Variants in XCR1 observed in about 807,000 individuals in gnomAD.
XCR1 encodes the protein X-C motif chemokine receptor 1.
For synonymous variants in XCR1, 187 were observed against 188.5 expected, an observed-to-expected ratio of 0.99 and a Z score of 0.06; for missense variants, 356 against 424.2, an observed-to-expected ratio of 0.84 and a Z score of 1.41.
At chr3:46,064,341 G>T (rs1490844948) in intron 4 of XCR1, among the ~76,000 whole-genome samples, 2 of 152,116 alleles carry the variant, frequency 1.3e-5, no homozygotes, top group African/African-American at 4.8e-5. Context: ...AGTGCCTAGG[G>T]CAGTAGCTGG....
At chr3:46,034,049 T>A (rs1372934071) in intron 5 of XCR1, among the ~76,000 whole-genome samples, 1 of 152,136 alleles carries the variant, frequency 6.6e-6, no homozygotes. Context: ...CCTGGCTCAC[T>A]GCAACCTCTG....
At chr3:46,046,692 G>C (rs1236330499) in intron 5 of XCR1, among the ~76,000 whole-genome samples, 1 of 152,126 alleles carries the variant, frequency 6.6e-6, no homozygotes, top group South Asian at 2.1e-4. Flanking sequence ...ACAGAAGACA[G>C]AGACAAAAAA....
chr3:46,041,309 A>G (rs888142381), intron 5 of XCR1, among the ~76,000 whole-genome samples: 6 of 152,164 alleles, frequency 3.9e-5, no homozygotes, highest in Admixed American at 1.3e-4. Flanking sequence ...AATTTAGGAG[A>G]GCCTATGTGG....
chr3:46,082,617 A>G (rs1425136929), intron 1 of XCR1, among the ~76,000 whole-genome samples: 3 of 150,770 alleles, frequency 2.0e-5, no homozygotes, highest in Non-Finnish European at 4.4e-5. Context: ...CAGCTTCCCG[A>G]GTAGCTGGGG....
chr3:46,055,017 A>G (rs539138770), intron 4 of XCR1, among the ~76,000 whole-genome samples: 16 of 152,312 alleles, frequency 1.1e-4, no homozygotes, highest in African/African-American at 3.4e-4. Flanking sequence ...GGGTGGGAGG[A>G]AGAAGGTCTC....
intron 4 of XCR1, among the ~76,000 whole-genome samples, chr3:46,057,817 C>T (rs1281322313): frequency 1.3e-5 from 2 of 152,136 alleles, no homozygotes; most frequent in African/African-American, 2.4e-5. Context: ...TCAGTCCCTA[C>T]AATTGTGTAA....
Position 46,081,609 on chromosome 3 carries a change from G to T in XCR1, c.-515+4185C>A, listed in dbSNP as rs577219622. 6.7e-4 allele frequency among the ~76,000 whole-genome samples: 102 copies of T among 152,252 alleles called. 1 individual carries two copies. The highest frequency in any genetic ancestry group is 2.4e-3 in the African/African-American group (99 of 41,570). On this transcript the variant is annotated intron_variant, in intron 1 of 5. Coordinates refer to the XCR1 transcript ENST00000683768. ...CTGATGTCTAATATTTGACAGACCA[G>T]TGAAGTAGTTTTGGCATTGCAAGCA...
intron 1 of XCR1, among the ~76,000 whole-genome samples, chr3:46,078,151 C>G (rs927793083): frequency 6.6e-6 from 1 of 152,194 alleles, no homozygotes; most frequent in Non-Finnish European, 1.5e-5. Context: ...CCCAAAGCAA[C>G]TTGGAAGTGT....
At chr3:46,056,156 G>A (rs1366359725) in intron 4 of XCR1, among the ~76,000 whole-genome samples, 1 of 152,140 alleles carries the variant, frequency 6.6e-6, no homozygotes, top group African/African-American at 2.4e-5. Context: ...TGTGGTGTAG[G>A]TGCAGTGCTT....
At chr3:46,072,914 A>C (rs997440173) in intron 3 of XCR1, among the ~76,000 whole-genome samples, 1 of 152,252 alleles carries the variant, frequency 6.6e-6, no homozygotes, top group African/African-American at 2.4e-5. Flanking sequence ...TACTAGTATA[A>C]AGGTAGACAT....
intron 1 of XCR1, among the ~76,000 whole-genome samples, chr3:46,084,150 T>G (rs1406493046): frequency 1.3e-5 from 2 of 152,182 alleles, no homozygotes; most frequent in African/African-American, 4.8e-5. Flanking sequence ...TCATCCTGAT[T>G]CAGCTTTTTG....
intron 5 of XCR1, among the ~76,000 whole-genome samples, chr3:46,046,667 G>A (rs2125898634): frequency 6.6e-6 from 1 of 152,278 alleles, no homozygotes; most frequent in South Asian, 2.1e-4. Context: ...GTCCATCTGA[G>A]TTTACAGACT....
chr3:46,073,097 T>C (rs1261780627), intron 3 of XCR1, among the ~76,000 whole-genome samples: 1 of 152,070 alleles, frequency 6.6e-6, no homozygotes, highest in African/African-American at 2.4e-5. Flanking sequence ...GAACCATATC[T>C]CTCACCACAT....
chr3:46,031,052 A>G (rs991120830), upstream of XCR1, among the ~76,000 whole-genome samples: 3 of 152,212 alleles, frequency 2.0e-5, no homozygotes, highest in Non-Finnish European at 4.4e-5. Context: ...CTGGGGCTGC[A>G]TGCTCCACAC....
At chr3:46,075,345 A>G (rs1446817668) in intron 2 of XCR1, among the ~76,000 whole-genome samples, 2 of 150,788 alleles carry the variant, frequency 1.3e-5, no homozygotes, top group Non-Finnish European at 3.0e-5. Context: ...AAAAATCAAA[A>G]CCAAGAAACC....
At chr3:46,063,456 T>C (rs907875702) in intron 4 of XCR1, among the ~76,000 whole-genome samples, 1 of 152,152 alleles carries the variant, frequency 6.6e-6, no homozygotes, top group Non-Finnish European at 1.5e-5. Flanking sequence ...CACTTTCTTT[T>C]TCCCCCGACC....
intron 1 of XCR1, among the ~76,000 whole-genome samples, chr3:46,085,081 G>T (rs752219207): frequency 2.0e-5 from 3 of 152,012 alleles, no homozygotes; most frequent in Admixed American, 2.0e-4. Context: ...ATTACATTTT[G>T]TGCTCAGCTT....
chr3:46,041,533 G>A (rs1293949096), intron 5 of XCR1, among the ~76,000 whole-genome samples: 5 of 152,118 alleles, frequency 3.3e-5, no homozygotes, highest in Admixed American at 2.0e-4. Flanking sequence ...ACCTTCCCAC[G>A]AAGCCCCTCC....
intron 5 of XCR1, among the ~76,000 whole-genome samples, chr3:46,038,963 C>T (rs1477325222): frequency 1.3e-5 from 2 of 150,936 alleles, no homozygotes; most frequent in African/African-American, 4.9e-5. Flanking sequence ...AAGTGATATT[C>T]ACTTTGATTA....
Sources: allele counts gnomAD v4.1 joint callset (sites outside exome capture counted in the v4.1 genomes callset), GRCh38; gene constraint gnomAD v4.1.1; transcripts MANE v1.5; gene names NCBI Gene and HGNC (gene_info 2026-07-23, HGNC 2026-07-21).